Variants in RADIL observed in about 807,000 individuals in gnomAD.
The protein encoded by RADIL is ras-associating and dilute domain-containing protein.
In RADIL, 99 loss-of-function variants were observed where a neutral mutation model predicts 97.6. The observed-to-expected ratio is 1.01, with a 90% CI of 0.86 to 1.20. The LOEUF (loss-of-function observed/expected upper bound fraction) is 1.20, where lower values mean the gene tolerates loss of function less well. Ranked by LOEUF, RADIL falls within the 50% of genes most tolerant of loss-of-function variation. RADIL has a pLI of 0.00. For missense variants in RADIL, 1,765 were observed against 1,498.9 expected (o/e 1.18, Z -2.93); for synonymous variants, 803 against 691.8 (o/e 1.16, Z -2.52).
chr7:4,820,854 C>A (rs919094575), intron 6 of RADIL, among the ~76,000 whole-genome samples: 1 of 152,202 alleles, frequency 6.6e-6, no homozygotes, highest in Non-Finnish European at 1.5e-5. Flanking sequence ...CACAGGGTCA[C>A]TGTGCAGATG....
At chr7:4,802,724 G>A (rs1389131157) in intron 11 of RADIL, among the ~76,000 whole-genome samples, 7 of 105,548 alleles carry the variant, frequency 6.6e-5, no homozygotes, top group East Asian at 3.0e-4. Context: ...CAGGCACCTC[G>A]GGGCACGCTG....
chr7:4,827,915 C>A (rs7800021), intron 5 of RADIL, among the ~76,000 whole-genome samples: 26,316 of 147,478 alleles, frequency 0.18, 2,933 homozygotes, highest in African/African-American at 0.31. Context: ...AACAAACAAA[C>A]AAAAAAAAAC....
chr7:4,812,101 G>C (rs1347777647), intron 9 of RADIL, among the ~76,000 whole-genome samples: 1 of 151,568 alleles, frequency 6.6e-6, no homozygotes, highest in Non-Finnish European at 1.5e-5. Context: ...GGCTGGTCTT[G>C]AACTCATGGT....
rs928498476 is a variant in RADIL at position 4,879,857 on chromosome 7, G to T, written c.-64-1654C>A. Among the ~76,000 whole-genome samples the T allele has an allele frequency of 6.6e-6, 1 of 152,150 alleles. No individual in the cohort carries two copies. Among genetic ancestry groups the T allele is most frequent in the African/African-American group, 2.4e-5 (1 of 41,432 alleles). On this transcript the variant is annotated intron_variant, in intron 1 of 14. Coordinates refer to ENST00000399583, the MANE Select transcript of RADIL (RefSeq NM_018059.5). The surrounding 1 kb of genome is among the most constrained non-coding windows in gnomAD (Gnocchi z 4.1). Reference sequence around the variant, plus strand: ...GTCATCTTCTCTGGAGCCTCTCACTGCCCGCCAGAGCTGTCATGGGTGAGT... The same window carrying T: ...GTCATCTTCTCTGGAGCCTCTCACTTCCCGCCAGAGCTGTCATGGGTGAGT...
intron 7 of RADIL, among the ~76,000 whole-genome samples, chr7:4,816,868 CCGG>C (rs1440577559): frequency 2.2e-4 from 34 of 152,310 alleles, no homozygotes; most frequent in African/African-American, 7.7e-4. Flanking sequence ...CACAGGGGGA[CCGG>C]CGGCAGCACC....
intron 2 of RADIL, among the ~76,000 whole-genome samples, chr7:4,876,227 G>A (rs940305791): frequency 3.3e-5 from 5 of 152,058 alleles, no homozygotes; most frequent in East Asian, 1.9e-4. Flanking sequence ...AGGCTCAAGC[G>A]ATCCTCCTAC....
At chr7:4,863,401 G>A (rs1291754203) in intron 2 of RADIL, among the ~76,000 whole-genome samples, 1 of 152,194 alleles carries the variant, frequency 6.6e-6, no homozygotes, top group Non-Finnish European at 1.5e-5. Context: ...CAAGAACTCA[G>A]AGTGGTATTA....
rs1334984607 is a variant in RADIL, at chr7:4,798,098, ATT to A, written c.*1278_*1279del. The stretch of plus-strand genomic sequence containing the variant: ...CATATATAATTATATATTTATATAT[ATT>A]CATATATTTTACATATCTTAAATAT... On this transcript the variant is annotated 3_prime_UTR_variant, in exon 15 of 15. Transcript: ENST00000399583. The A allele has an allele frequency of 6.7e-5, 10 of 148,152 alleles. No homozygotes were observed. The highest frequency in any genetic ancestry group is 2.5e-4 in the African/African-American group (10 of 40,800). 9.2% of individuals were successfully genotyped at this position (148,152 alleles called of 1,614,324 possible).
chr7:4,797,930 C>G lies in RADIL; in HGVS notation c.*1448G>C, dbSNP rs2115145374. 6.6e-6 allele frequency: 1 copy of G among 151,878 alleles called. No individual in the cohort carries two copies. Among genetic ancestry groups the G allele is most frequent in the South Asian group, 2.1e-4 (1 of 4,816 alleles). The allele number at this position is 151,878 out of a possible 1,614,324, so 9.4% of individuals were successfully genotyped here. On this transcript the variant is annotated 3_prime_UTR_variant, in exon 15 of 15. Coordinates refer to ENST00000399583, the MANE Select transcript of RADIL (RefSeq NM_018059.5). ...TGGAGGTTGCAGTGAGCTGAGATTG[C>G]ACCACTGCACTCCAGCCTGGGTCAC...
chr7:4,816,529 G>C (rs965258915), intron 7 of RADIL, 64 bp from the exon 8 acceptor site: 1 of 1,375,572 alleles, frequency 7.3e-7, no homozygotes, highest in Admixed American at 1.9e-5. Flanking sequence ...CGAACGGGGG[G>C]CCTGACCCAG....
intron 2 of RADIL, among the ~76,000 whole-genome samples, chr7:4,847,079 G>C (rs1019204070): frequency 8.6e-5 from 13 of 152,040 alleles, no homozygotes; most frequent in Admixed American, 5.9e-4. Flanking sequence ...CCAGCACTTT[G>C]GGAGGCCAAG....
intron 7 of RADIL, 55 bp from the exon 8 acceptor site, chr7:4,816,520 G>C (rs763274086): frequency 3.4e-6 from 5 of 1,465,638 alleles, no homozygotes; most frequent in Non-Finnish European, 4.7e-6. Flanking sequence ...GCTGGCGGCC[G>C]AACGGGGGGC....
chr7:4,859,942 A>G (rs770243006), intron 2 of RADIL: 2 of 1,613,876 alleles, frequency 1.2e-6, no homozygotes, highest in Non-Finnish European at 1.7e-6. Flanking sequence ...GAAGGTCTGG[A>G]TGGCTTATGA....
rs551159060 is a variant in RADIL, at chr7:4,842,595, G to GA, written c.536-5991dup. Among the ~76,000 whole-genome samples the GA allele has an allele frequency of 6.3e-4, 96 of 152,250 alleles. No homozygotes were observed. The highest frequency in any genetic ancestry group is 2.2e-3 in the African/African-American group (93 of 41,552). Reference sequence around the variant, plus strand: ...CACGGACTCTGAACAGCCCTGGAAAGAAAAACACAGGCTCTTCCTGAACGT... The same window carrying GA: ...CACGGACTCTGAACAGCCCTGGAAAGAAAAAACACAGGCTCTTCCTGAACGT... On this transcript the variant is annotated intron_variant, in intron 2 of 14. Coordinates refer to ENST00000399583, the MANE Select transcript of RADIL (RefSeq NM_018059.5). This position sits in a 1 kb window ranked among gnomAD's most constrained non-coding sequence, Gnocchi z 4.5.
At chr7:4,832,632 G>C (rs1367016979) in intron 4 of RADIL, among the ~76,000 whole-genome samples, 1 of 151,724 alleles carries the variant, frequency 6.6e-6, no homozygotes, top group Non-Finnish European at 1.5e-5. Context: ...CCAGCTATTT[G>C]GGAGGCTGAG....
chr7:4,799,650 G>T lies in RADIL; in HGVS notation c.3102C>A (p.Leu1034=), dbSNP rs1320104461. Residue 1034 remains leucine, a synonymous_variant, in exon 14 of 15, where the codon CTC becomes CTA. Transcript: ENST00000399583. ...GGTACCTCAGGTAGCCAAGGCCCAG[G>T]AGGCTGCTGCCATTCACCTCCAGGA... The part of the protein sequence containing the change: ...DRILEVNGSS[L]LGLGYLRAVD... 6.2e-7 allele frequency: 1 copy of T among 1,602,694 alleles called. No individual in the cohort carries two copies. The highest frequency in any genetic ancestry group is 1.3e-5 in the African/African-American group (1 of 74,962).
chr7:4,816,489 G>A, intron 7 of RADIL, 24 bp from the exon 8 acceptor site: 1 of 1,578,226 alleles, frequency 6.3e-7, no homozygotes, highest in Non-Finnish European at 8.7e-7. Flanking sequence ...GAGGAGAACA[G>A]CAACCAGCAT....
Position 4,860,669 on chromosome 7 carries a change from C to T in RADIL, c.535+16936G>A, listed in dbSNP as rs1468048356. The T allele has an allele frequency of 2.5e-6, 4 of 1,614,184 alleles. No individual in the cohort carries two copies. In the East Asian group the frequency reaches 8.9e-5, roughly 36 times the overall value. The stretch of plus-strand genomic sequence containing the variant: ...TAAATGTTGTTTTTCTGTTGATGCA[C>T]TTGCCAGAAGTACAATATAATGCTT... On this transcript the variant is annotated intron_variant, in intron 2 of 14. Coordinates refer to ENST00000399583, the MANE Select transcript of RADIL (RefSeq NM_018059.5).
At chr7:4,866,112 T>C (rs1348473414) in intron 2 of RADIL, among the ~76,000 whole-genome samples, 1 of 152,140 alleles carries the variant, frequency 6.6e-6, no homozygotes, top group African/African-American at 2.4e-5. Flanking sequence ...TTTTGAGTGA[T>C]TATATCTGTG....
Sources: allele counts gnomAD v4.1 joint callset (sites outside exome capture counted in the v4.1 genomes callset), GRCh38; gene constraint gnomAD v4.1.1; non-coding constraint Gnocchi (gnomAD v3.1); transcripts MANE v1.5; gene names NCBI Gene and HGNC (gene_info 2026-07-23, HGNC 2026-07-21).